CSMD1: variants seen among roughly 807,000 people sequenced by gnomAD.
CSMD1 encodes the protein CUB and Sushi multiple domains 1.
In CSMD1, 213 loss-of-function variants were observed where a neutral mutation model predicts 417.5. The ratio of observed to expected loss-of-function variants is 0.51; its 90% CI spans 0.46 to 0.57. The LOEUF (loss-of-function observed/expected upper bound fraction) is 0.57, where lower values mean the gene tolerates loss of function less well. CSMD1 is among the 20% of genes least tolerant of loss of function. CSMD1 has a pLI of 0.00. For synonymous variants in CSMD1, 2,862 were observed against 1,736.8 expected (o/e 1.65, Z -16.11); for missense variants, 6,923 against 4,529.7 (o/e 1.53, Z -15.17).
intron 12 of CSMD1, among the ~76,000 whole-genome samples, chr8:3,439,687 A>C (rs1185147238): frequency 6.6e-6 from 1 of 152,140 alleles, no homozygotes; most frequent in Non-Finnish European, 1.5e-5. Flanking sequence ...AAATAATTCC[A>C]ATTGATGAAT....
At chr8:3,040,922 G>A (rs895202783) in intron 50 of CSMD1, among the ~76,000 whole-genome samples, 1 of 152,170 alleles carries the variant, frequency 6.6e-6, no homozygotes, top group Non-Finnish European at 1.5e-5. Flanking sequence ...ATTGTTTGCA[G>A]CATCATGAAC....
At chr8:4,706,690 T>A (rs142932506) in intron 1 of CSMD1, among the ~76,000 whole-genome samples, 1 of 152,112 alleles carries the variant, frequency 6.6e-6, no homozygotes, top group African/African-American at 2.4e-5. Context: ...AAGTTAATAA[T>A]GGCATGAAAG....
At chr8:3,034,120 G>C (rs1001333948) in intron 50 of CSMD1, among the ~76,000 whole-genome samples, 1 of 152,166 alleles carries the variant, frequency 6.6e-6, no homozygotes, top group African/African-American at 2.4e-5. Context: ...AAGGCTGCCT[G>C]ATTGATACAC....
intron 2 of CSMD1, among the ~76,000 whole-genome samples, chr8:4,459,722 A>T (rs1463836655): frequency 1.3e-5 from 2 of 152,230 alleles, no homozygotes; most frequent in Admixed American, 6.5e-5. Context: ...GAAATAATGA[A>T]GCAATCAGGT....
At chr8:3,603,737 A>G (rs1052848670) in intron 8 of CSMD1, among the ~76,000 whole-genome samples, 4 of 152,184 alleles carry the variant, frequency 2.6e-5, no homozygotes, top group African/African-American at 9.7e-5. Context: ...CCCCTGATAT[A>G]TGGGCTTGAT....
intron 3 of CSMD1, among the ~76,000 whole-genome samples, chr8:4,102,101 T>G (rs1048064270): frequency 6.6e-6 from 1 of 152,182 alleles, no homozygotes; most frequent in African/African-American, 2.4e-5. Flanking sequence ...GAAGTAATGC[T>G]CATTGAAACA....
In CSMD1 at chr8:3,753,941, G is replaced by C. The variant is rs761726199; in HGVS notation, c.920C>G (p.Ala307Gly). ...DSNHRRKGFN[A>G]QFQVKKAIEL... ...TGGAGCATCCTTACCTTGGAACTGA[G>C]CGTTAAATCCTTTGCGTCGGTGGTT... Residue 307 changes from alanine to glycine, a missense_variant, in exon 6 of 70, where the codon GCT becomes GGT. Coordinates refer to ENST00000635120, the MANE Select transcript of CSMD1 (RefSeq NM_033225.6). 1.1e-5 allele frequency: 17 copies of C among 1,608,954 alleles called. No individual in the cohort carries two copies. The East Asian group carries it at 1.6e-4, about 15-fold the overall frequency.
chr8:3,718,700 G>A (rs542942242), intron 6 of CSMD1, among the ~76,000 whole-genome samples: 1 of 152,280 alleles, frequency 6.6e-6, no homozygotes, highest in South Asian at 2.1e-4. Flanking sequence ...CTTTACTAAT[G>A]TAAAGGGTAA....
chr8:4,773,602 A>T (rs769573292), intron 1 of CSMD1, among the ~76,000 whole-genome samples: 9 of 152,160 alleles, frequency 5.9e-5, no homozygotes, highest in Non-Finnish European at 1.3e-4. Context: ...GATACCAAGG[A>T]TTCCTCAGGA....
intron 10 of CSMD1, among the ~76,000 whole-genome samples, chr8:3,550,585 C>T (rs1433145487): frequency 6.6e-6 from 1 of 152,188 alleles, no homozygotes; most frequent in Non-Finnish European, 1.5e-5. Context: ...GGTGCATCAT[C>T]CCTAAGTTCC....
At chr8:3,116,565 A>C (rs898971426) in intron 42 of CSMD1, among the ~76,000 whole-genome samples, 2 of 152,176 alleles carry the variant, frequency 1.3e-5, no homozygotes, top group Middle Eastern at 3.2e-3. Context: ...GAGTTTAGCT[A>C]ATTCTAGATG....
intron 21 of CSMD1, among the ~76,000 whole-genome samples, chr8:3,352,387 A>T (rs1234890447): frequency 1.3e-5 from 2 of 152,206 alleles, no homozygotes; most frequent in Non-Finnish European, 2.9e-5. Context: ...TTGTGACACA[A>T]ATTCTAGAAT....
chr8:4,110,433 C>G (rs1347351601), intron 3 of CSMD1, among the ~76,000 whole-genome samples: 1 of 152,120 alleles, frequency 6.6e-6, no homozygotes, highest in Non-Finnish European at 1.5e-5. Flanking sequence ...TCTACATTTT[C>G]ATTACTTTTC....
Position 3,163,793 on chromosome 8 carries a change from C to G in CSMD1, c.5726-1516G>C, listed in dbSNP as rs531455510. Among the ~76,000 whole-genome samples the G allele has an allele frequency of 4.6e-5, 7 of 152,260 alleles. No individual in the cohort carries two copies. In the East Asian group the frequency reaches 1.4e-3, roughly 29 times the overall value. ...GAAACCCTGGGTCATCCCTGCATGG[C>G]TGTCACTGTGCCAGACGCATTATAC... On this transcript the variant is annotated intron_variant, in intron 37 of 69. Coordinates refer to ENST00000635120, the MANE Select transcript of CSMD1 (RefSeq NM_033225.6).
chr8:3,887,347 A>G (rs564515217), intron 5 of CSMD1, among the ~76,000 whole-genome samples: 1 of 152,318 alleles, frequency 6.6e-6, no homozygotes, highest in African/African-American at 2.4e-5. Flanking sequence ...GGATAGCAAT[A>G]AAAGCAAGAT....
intron 1 of CSMD1, among the ~76,000 whole-genome samples, chr8:4,876,039 C>T (rs567693189): frequency 2.0e-5 from 3 of 151,962 alleles, no homozygotes; most frequent in African/African-American, 4.8e-5. Flanking sequence ...GGGGAAAAAA[C>T]CTATCAATTC....
At chr8:4,341,760 A>T (rs1800491317) in intron 3 of CSMD1, among the ~76,000 whole-genome samples, 1 of 152,120 alleles carries the variant, frequency 6.6e-6, no homozygotes, top group Non-Finnish European at 1.5e-5. Flanking sequence ...TGCATTAATA[A>T]TGGTCAATAA....
intron 3 of CSMD1, among the ~76,000 whole-genome samples, chr8:4,078,929 A>G (rs199509780): frequency 1.1e-4 from 3 of 26,830 alleles, no homozygotes; most frequent in Non-Finnish European, 3.6e-4. Flanking sequence ...ATATATATAT[A>G]TATATATATA....
chr8:3,440,291 C>G (rs993784389), intron 12 of CSMD1, among the ~76,000 whole-genome samples: 3 of 152,144 alleles, frequency 2.0e-5, no homozygotes, highest in East Asian at 1.9e-4. Context: ...CATACTATAT[C>G]TCTCTACTTA....
Sources: gnomAD v4.1 joint callset for allele counts (sites outside exome capture counted in the v4.1 genomes callset) on GRCh38, gnomAD v4.1.1 for gene constraint, MANE v1.5 for transcripts, NCBI Gene and HGNC (gene_info 2026-07-23, HGNC 2026-07-21) for gene names.